Variants in CFAP299 observed in about 807,000 individuals in gnomAD.
CFAP299 encodes cilia- and flagella-associated protein 299.
Under a neutral mutation model 27.0 loss-of-function variants are expected in CFAP299, and 21 were observed. The observed-to-expected ratio is 0.78, with a 90% CI of 0.55 to 1.12. The LOEUF is 1.12. Among genes scored for constraint, CFAP299 ranks in the 50% most tolerant of loss-of-function variants. The pLI, the probability that CFAP299 is intolerant of heterozygous loss-of-function variation, is 0.00. For synonymous variants in CFAP299, 104 were observed against 98.1 expected (o/e 1.06, Z -0.36); for missense variants, 310 against 276.6 (o/e 1.12, Z -0.86).
intron 2 of CFAP299, among the ~76,000 whole-genome samples, chr4:80,501,534 A>T (rs1230006647): frequency 6.8e-6 from 1 of 147,912 alleles, no homozygotes; most frequent in African/African-American, 2.4e-5. Context: ...ATAAATTTTC[A>T]TATGTAAATA....
chr4:80,717,090 C>G (rs1051960048), intron 3 of CFAP299, among the ~76,000 whole-genome samples: 4 of 152,052 alleles, frequency 2.6e-5, no homozygotes, highest in Admixed American at 6.6e-5. Context: ...TGGGGCTACA[C>G]CAATGAATAC....
intron 2 of CFAP299, among the ~76,000 whole-genome samples, chr4:80,485,676 G>C (rs1283860937): frequency 6.6e-6 from 1 of 152,116 alleles, no homozygotes; most frequent in Non-Finnish European, 1.5e-5. Flanking sequence ...TTTGCTTTAA[G>C]ATAATAGAGA....
chr4:80,658,675 T>C lies in CFAP299; in HGVS notation c.333+75492T>C, dbSNP rs566102646. On this transcript the variant is annotated intron_variant, in intron 3 of 5. Coordinates refer to ENST00000358105, the MANE Select transcript of CFAP299 (RefSeq NM_152770.3). ...TCACTGTTTCACTTGTGAACTTTAGTAAGTGGTTTCCTCTCTATTTCATCC... is the reference window on the plus strand; with the variant it reads ...TCACTGTTTCACTTGTGAACTTTAGCAAGTGGTTTCCTCTCTATTTCATCC... Among the ~76,000 whole-genome samples, 9 of 152,262 alleles carry C rather than the reference T, an allele frequency of 5.9e-5. No individual in the cohort carries two copies. The South Asian group carries it at 1.9e-3, about 32-fold the overall frequency.
At chr4:80,403,736 G>T (rs1726277173) in intron 2 of CFAP299, among the ~76,000 whole-genome samples, 1 of 151,986 alleles carries the variant, frequency 6.6e-6, no homozygotes, top group Non-Finnish European at 1.5e-5. Context: ...TGCGTTGATT[G>T]ATTAATATAT....
intron 3 of CFAP299, among the ~76,000 whole-genome samples, chr4:80,702,970 G>A (rs79019925): frequency 0.023 from 3,514 of 151,812 alleles, 102 homozygotes; most frequent in South Asian, 0.062. Flanking sequence ...TCAACCTCCA[G>A]CTCTTCATAT....
At chr4:80,581,406 A>G (rs1295572584) in intron 2 of CFAP299, among the ~76,000 whole-genome samples, 2 of 144,602 alleles carry the variant, frequency 1.4e-5, no homozygotes, top group Admixed American at 6.9e-5. Context: ...TTCCATGTAT[A>G]TTTAGGTTTT....
intron 2 of CFAP299, among the ~76,000 whole-genome samples, chr4:80,452,454 T>G (rs1337031100): frequency 6.6e-6 from 1 of 152,220 alleles, no homozygotes; most frequent in African/African-American, 2.4e-5. Context: ...AATTTATTGC[T>G]CTCTTAGGTT....
intron 3 of CFAP299, among the ~76,000 whole-genome samples, chr4:80,588,899 A>T (rs532479570): frequency 3.9e-5 from 6 of 152,304 alleles, no homozygotes; most frequent in African/African-American, 1.4e-4. Flanking sequence ...CACTTTATAG[A>T]TGAGAATTTT....
intron 4 of CFAP299, among the ~76,000 whole-genome samples, chr4:80,889,331 T>C (rs1449261870): frequency 6.6e-6 from 1 of 151,958 alleles, no homozygotes; most frequent in African/African-American, 2.4e-5. Flanking sequence ...AAAGGAACAT[T>C]AGTGGCTACT....
intron 1 of CFAP299, among the ~76,000 whole-genome samples, chr4:80,337,147 T>A (rs1722190446): frequency 6.6e-6 from 1 of 152,186 alleles, no homozygotes; most frequent in Admixed American, 6.5e-5. Context: ...GAAAAAGTAA[T>A]GCTGCTAAAC....
At chr4:80,674,200 C>A (rs936460289) in intron 3 of CFAP299, among the ~76,000 whole-genome samples, 1 of 152,068 alleles carries the variant, frequency 6.6e-6, no homozygotes, top group East Asian at 1.9e-4. Context: ...TTCAGGAGCT[C>A]TTTTAGGGCA....
intron 4 of CFAP299, among the ~76,000 whole-genome samples, chr4:80,876,649 G>C (rs975376175): frequency 2.0e-5 from 3 of 152,088 alleles, no homozygotes; most frequent in Non-Finnish European, 4.4e-5. Context: ...CTTAACCAAA[G>C]TTATATACAG....
chr4:80,390,735 GTA>G (rs1725361337), intron 2 of CFAP299, among the ~76,000 whole-genome samples: 1 of 129,720 alleles, frequency 7.7e-6, no homozygotes, highest in African/African-American at 3.3e-5. Context: ...ATGTATATAT[GTA>G]TATATGTATA....
At chr4:80,626,581 T>C (rs1738919313) in intron 3 of CFAP299, among the ~76,000 whole-genome samples, 1 of 151,648 alleles carries the variant, frequency 6.6e-6, no homozygotes, top group Non-Finnish European at 1.5e-5. Context: ...TAGAAAAATA[T>C]ATATTTTTGA....
At chr4:80,496,452 A>C (rs536510585) in intron 2 of CFAP299, among the ~76,000 whole-genome samples, 71 of 152,260 alleles carry the variant, frequency 4.7e-4, no homozygotes, top group African/African-American at 1.5e-3. Flanking sequence ...TCCAGTTCCC[A>C]ATAAGTTCCT....
At chr4:80,931,635 G>C (rs1736619689) in intron 4 of CFAP299, among the ~76,000 whole-genome samples, 1 of 152,000 alleles carries the variant, frequency 6.6e-6, no homozygotes, top group African/African-American at 2.4e-5. Flanking sequence ...AGGGGGCTCA[G>C]GAACCCAAAA....
At chr4:80,614,547 G>A (rs889217866) in intron 3 of CFAP299, among the ~76,000 whole-genome samples, 1 of 152,218 alleles carries the variant, frequency 6.6e-6, no homozygotes, top group Non-Finnish European at 1.5e-5. Context: ...GGCAGCATGT[G>A]CGGCGGGTGT....
chr4:80,736,042 T>C (rs1434947445), intron 3 of CFAP299, among the ~76,000 whole-genome samples: 2 of 152,150 alleles, frequency 1.3e-5, no homozygotes, highest in Admixed American at 6.6e-5. Flanking sequence ...GCCTGTTCAC[T>C]CTGGTGGTAG....
chr4:80,466,228 A>C (rs1459871897), intron 2 of CFAP299, among the ~76,000 whole-genome samples: 1 of 152,192 alleles, frequency 6.6e-6, no homozygotes, highest in Non-Finnish European at 1.5e-5. Context: ...TAAATGTAAA[A>C]AATGGCATAA....
Sources: allele counts gnomAD v4.1 joint callset (sites outside exome capture counted in the v4.1 genomes callset), GRCh38; gene constraint gnomAD v4.1.1; transcripts MANE v1.5; gene names NCBI Gene and HGNC (gene_info 2026-07-23, HGNC 2026-07-21).